Variants in MAD1L1 observed in about 807,000 individuals in gnomAD.
MAD1L1 encodes mitotic arrest deficient 1 like 1, also known as mitotic spindle assembly checkpoint protein MAD1.
In MAD1L1, 95 loss-of-function variants were observed where a neutral mutation model predicts 96.9. The ratio of observed to expected loss-of-function variants is 0.98; its 90% CI spans 0.83 to 1.16. The LOEUF (loss-of-function observed/expected upper bound fraction) is 1.16. MAD1L1 is among the 50% of genes most tolerant of loss of function. The pLI is 0.00. For missense variants in MAD1L1, 1,007 were observed against 954.4 expected (o/e 1.06, Z -0.73); for synonymous variants, 473 against 396.6 (o/e 1.19, Z -2.29).
intron 13 of MAD1L1, among the ~76,000 whole-genome samples, chr7:2,004,719 A>G (rs1401939276): frequency 6.6e-6 from 1 of 152,214 alleles, no homozygotes; most frequent in African/African-American, 2.4e-5. Flanking sequence ...AGGCTTCATC[A>G]GGTTTCTGTG....
intron 17 of MAD1L1, among the ~76,000 whole-genome samples, chr7:1,906,139 C>A (rs1017275414): frequency 3.3e-5 from 5 of 152,120 alleles, no homozygotes; most frequent in African/African-American, 9.7e-5. Context: ...AGGAGACCAG[C>A]CCCTGCACAG....
In MAD1L1 at chr7:2,201,740, G is replaced by A. The variant is rs1285735344; in HGVS notation, c.986+11472C>T. 2 of 152,296 alleles carry A rather than the reference G, an allele frequency of 1.3e-5. 1 individual carries two copies. Among genetic ancestry groups the A allele is most frequent in the African/African-American group, 4.8e-5 (2 of 41,456 alleles). The allele number at this position is 152,296 out of a possible 1,614,324, so 9.4% of individuals were successfully genotyped here. A position where few individuals can be genotyped will look rare whatever the true frequency, so the allele number is the denominator to read the frequency against. On this transcript the variant is annotated intron_variant, in intron 10 of 18. Transcript: ENST00000265854. ...TGTGCAGTCAGGCACATGCAGGGGTGGAGCCCAACGGTCTCTTCTGGGAAG... is the reference window on the plus strand; with the variant it reads ...TGTGCAGTCAGGCACATGCAGGGGTAGAGCCCAACGGTCTCTTCTGGGAAG...
At chr7:1,915,522 G>A (rs935876904) in intron 17 of MAD1L1, among the ~76,000 whole-genome samples, 3 of 152,214 alleles carry the variant, frequency 2.0e-5, no homozygotes, top group African/African-American at 4.8e-5. Context: ...TACGTGGAGC[G>A]GTGTTCCACG....
At chr7:1,906,467 G>A (rs1186683385) in intron 17 of MAD1L1, among the ~76,000 whole-genome samples, 2 of 152,192 alleles carry the variant, frequency 1.3e-5, no homozygotes, top group East Asian at 1.9e-4. Flanking sequence ...AGGGCCCTGA[G>A]CCACCCTCCC....
intron 14 of MAD1L1, among the ~76,000 whole-genome samples, chr7:1,993,057 C>T (rs1781417919): frequency 6.6e-6 from 1 of 152,218 alleles, no homozygotes; most frequent in Non-Finnish European, 1.5e-5. Context: ...GAACCGATTT[C>T]CTTTCTCGTG....
chr7:2,149,260 C>T lies in MAD1L1; in HGVS notation c.987-22G>A, dbSNP rs1789455016. 2.5e-6 allele frequency: 4 copies of T among 1,593,134 alleles called. No individual in the cohort carries two copies. The Admixed American group carries it at 5.0e-5, about 20-fold the overall frequency. On this transcript the variant is annotated intron_variant, in intron 10 of 18. Coordinates refer to ENST00000265854, the MANE Select transcript of MAD1L1 (RefSeq NM_001013836.2). ...AGTCCTGCAGGATAAACAAGGCACACTCAGTTCCAGCTGTCCCCGAGAAGT... is the reference window on the plus strand; with the variant it reads ...AGTCCTGCAGGATAAACAAGGCACATTCAGTTCCAGCTGTCCCCGAGAAGT...
chr7:1,829,191 G>A (rs1465195596), intron 18 of MAD1L1, among the ~76,000 whole-genome samples: 1 of 152,222 alleles, frequency 6.6e-6, no homozygotes, highest in Non-Finnish European at 1.5e-5. Flanking sequence ...GGCTCCTGAT[G>A]GTCCCCACCT....
intron 10 of MAD1L1, among the ~76,000 whole-genome samples, chr7:2,156,821 C>CAAAA (rs796679600): frequency 1.1e-5 from 1 of 91,524 alleles, no homozygotes; most frequent in Non-Finnish European, 2.4e-5. Flanking sequence ...GACTCCATCT[C>CAAAA]AAAAAAAAAA....
chr7:2,015,339 A>G (rs1309109780), intron 12 of MAD1L1, among the ~76,000 whole-genome samples: 3 of 152,132 alleles, frequency 2.0e-5, no homozygotes, highest in Non-Finnish European at 4.4e-5. Context: ...GCAGATCCCT[A>G]CAGAGCAGCC....
intron 13 of MAD1L1, among the ~76,000 whole-genome samples, chr7:2,008,459 A>G (rs1316229988): frequency 6.6e-6 from 1 of 152,186 alleles, no homozygotes; most frequent in Non-Finnish European, 1.5e-5. Flanking sequence ...GGCCCTGGCC[A>G]CAGCGTCCTC....
intron 12 of MAD1L1, among the ~76,000 whole-genome samples, chr7:2,037,318 G>C (rs1783485164): frequency 6.6e-6 from 1 of 151,438 alleles, no homozygotes; most frequent in Non-Finnish European, 1.5e-5. Flanking sequence ...TCTTACACGA[G>C]CACAGTGTGC....
intron 16 of MAD1L1, among the ~76,000 whole-genome samples, chr7:1,943,787 G>C (rs566933047): frequency 6.6e-6 from 1 of 151,810 alleles, no homozygotes; most frequent in African/African-American, 2.4e-5. Flanking sequence ...TGAATGTTCA[G>C]GGCAGCTGTG....
chr7:1,873,661 C>A (rs1284245709), intron 18 of MAD1L1, among the ~76,000 whole-genome samples: 1 of 152,026 alleles, frequency 6.6e-6, no homozygotes, highest in African/African-American at 2.4e-5. Context: ...CTGCTGCCTC[C>A]CTCACTGTAA....
intron 12 of MAD1L1, among the ~76,000 whole-genome samples, chr7:2,044,056 G>C (rs1381820933): frequency 6.6e-6 from 1 of 152,240 alleles, no homozygotes; most frequent in Non-Finnish European, 1.5e-5. Context: ...GAGAGGAGGG[G>C]AGACAGCAGC....
chr7:2,014,437 C>T, intron 13 of MAD1L1, 65 bp downstream of exon 13: 1 of 1,493,822 alleles, frequency 6.7e-7, no homozygotes, highest in Admixed American at 2.0e-5. Flanking sequence ...GCCGCAGGCT[C>T]TGCCAAGGCC....
intron 18 of MAD1L1, among the ~76,000 whole-genome samples, chr7:1,892,205 T>C (rs1786587843): frequency 6.6e-6 from 1 of 152,204 alleles, no homozygotes; most frequent in Admixed American, 6.5e-5. Flanking sequence ...CTGCACACTT[T>C]TGCAGCTTGG....
chr7:1,850,669 G>A (rs1238764650), intron 18 of MAD1L1, among the ~76,000 whole-genome samples: 5 of 152,172 alleles, frequency 3.3e-5, no homozygotes, highest in East Asian at 1.9e-4. Flanking sequence ...GCCCAAGTTC[G>A]CAGAGGGGAA....
chr7:1,897,113 G>A (rs933447043), intron 18 of MAD1L1, among the ~76,000 whole-genome samples: 2 of 150,086 alleles, frequency 1.3e-5, no homozygotes, highest in African/African-American at 5.0e-5. Context: ...CCCGTGCAGC[G>A]CAGGCTGTGA....
At chr7:2,101,084 C>T (rs542605192) in intron 11 of MAD1L1, among the ~76,000 whole-genome samples, 1 of 152,346 alleles carries the variant, frequency 6.6e-6, no homozygotes, top group Admixed American at 6.5e-5. Flanking sequence ...TTGTTTTCAA[C>T]GGCTTCCTTC....
Sources: gnomAD v4.1 joint callset for allele counts (sites outside exome capture counted in the v4.1 genomes callset) on GRCh38, gnomAD v4.1.1 for gene constraint, MANE v1.5 for transcripts, NCBI Gene and HGNC (gene_info 2026-07-23, HGNC 2026-07-21) for gene names.